Variants in ODAD1 observed in about 807,000 individuals in gnomAD.
ODAD1 encodes outer dynein arm-docking complex subunit 1.
In ODAD1, 49 loss-of-function variants were observed where a neutral mutation model predicts 67.2. The ratio of observed to expected loss-of-function variants is 0.73; its 90% CI spans 0.58 to 0.92. The LOEUF (loss-of-function observed/expected upper bound fraction) is 0.92. ODAD1 is among the 40% of genes least tolerant of loss of function. The probability of loss-of-function intolerance (pLI) is 0.00; values close to 1 mark genes in which losing one functional copy is unlikely to be tolerated. For missense variants in ODAD1, 897 were observed against 953.7 expected (o/e 0.94, Z 0.78); for synonymous variants, 345 against 393.7 (o/e 0.88, Z 1.46).
At chr19:48,314,586 T>C (rs1968850239) in intron 5 of ODAD1, among the ~76,000 whole-genome samples, 1 of 152,208 alleles carries the variant, frequency 6.6e-6, no homozygotes. Context: ...GCTATCATCC[T>C]TTTGAAGATG....
intron 5 of ODAD1, among the ~76,000 whole-genome samples, chr19:48,317,847 C>A (rs560854118): frequency 6.6e-6 from 1 of 151,852 alleles, no homozygotes; most frequent in Non-Finnish European, 1.5e-5. Context: ...CCGAGGTGGG[C>A]GGATCACAAG....
Position 48,311,664 on chromosome 19 carries a change from G to C in ODAD1, c.486C>G (p.Val162=), listed in dbSNP as rs1333175654. Reference sequence around the variant, plus strand: ...CCAGCTGGTTGTCAAAGTGACAGGTGACCTGGGAGTAGAAAGGTGGATGGA... The same window carrying C: ...CCAGCTGGTTGTCAAAGTGACAGGTCACCTGGGAGTAGAAAGGTGGATGGA... The part of the protein sequence containing the change: ...IRILENQLDR[V]TCHFDNQLVR... The change falls in exon 7 of 16, where the codon GTC becomes GTG. Residue 162 remains valine (V), a splice_region_variant and synonymous_variant. Coordinates refer to ENST00000674294, the MANE Select transcript of ODAD1 (RefSeq NM_001364171.2). 2.0e-6 allele frequency: 3 copies of C among 1,536,850 alleles called. No individual in the cohort carries two copies. The Admixed American group carries it at 5.9e-5, about 30-fold the overall frequency.
At chr19:48,304,235 GGT>G in intron 8 of ODAD1, 95 bp from the exon 9 acceptor site, 1 of 1,301,964 alleles carries the variant, frequency 7.7e-7, no homozygotes, top group Non-Finnish European at 1.0e-6. Flanking sequence ...GGTTGTGGGG[GGT>G]GAGGTGGAGT....
intron 5 of ODAD1, among the ~76,000 whole-genome samples, chr19:48,315,073 CTTTT>C (rs1235564266): frequency 1.1e-4 from 16 of 150,582 alleles, no homozygotes; most frequent in African/African-American, 3.2e-4. Flanking sequence ...TTCTTTCTTT[CTTTT>C]ATTTTTTCTT....
Position 48,303,472 on chromosome 19 carries a change from CAGAGACAGGGCCACGGTA to C in ODAD1, c.988+160_988+177del, listed in dbSNP as rs1968522514. On this transcript the variant is annotated intron_variant, in intron 10 of 15. Transcript: ENST00000674294. The stretch of plus-strand genomic sequence containing the variant: ...GGAGTTAGGAGGGGGTGGGGAGGGG[CAGAGACAGGGCCACGGTA>C]AGACGCCAGTGGACGCGGGCGGCGG... 6 of 685,200 alleles carry C rather than the reference CAGAGACAGGGCCACGGTA, an allele frequency of 8.8e-6. No individual in the cohort carries two copies. In the South Asian group the frequency reaches 1.1e-4, roughly 13 times the overall value. 42.4% of individuals were successfully genotyped at this position (685,200 alleles called of 1,614,324 possible).
At chr19:48,320,062 C>CA in intron 3 of ODAD1, 1 of 1,064,978 alleles carries the variant, frequency 9.4e-7, no homozygotes, top group Non-Finnish European at 1.1e-6. Context: ...GCAATTCCTA[C>CA]AGGGAGTTCT....
chr19:48,320,170 C>T (rs1429253360), intron 3 of ODAD1, 129 bp downstream of exon 3: 4 of 839,702 alleles, frequency 4.8e-6, no homozygotes, highest in South Asian at 1.9e-5. Flanking sequence ...TCCCTTAGGG[C>T]GCATGTCTGT....
chr19:48,312,607 G>A (rs1968795006), intron 5 of ODAD1, among the ~76,000 whole-genome samples: 2 of 151,832 alleles, frequency 1.3e-5, no homozygotes, highest in South Asian at 2.1e-4. Context: ...AGTAGAGATG[G>A]GGTTTCACCA....
At position 48,296,834 on chromosome 19, in the gene ODAD1, A is replaced by G. The variant is rs1035698024; in HGVS notation, c.*142T>C. The stretch of plus-strand genomic sequence containing the variant: ...GTGAGGCGGTGATGAAGGGCAGATG[A>G]AAACAGTTGAAGGGGCAAAAAGACA... On this transcript the variant is annotated 3_prime_UTR_variant, in exon 16 of 16. Transcript: ENST00000674294. 1.5e-4 allele frequency: 218 copies of G among 1,431,350 alleles called. No homozygotes were observed. The highest frequency in any genetic ancestry group is 1.8e-4 in the Non-Finnish European group (197 of 1,099,252). 88.7% of individuals were successfully genotyped at this position (1,431,350 alleles called of 1,614,324 possible). A position where few individuals can be genotyped will look rare whatever the true frequency, so the allele number is the denominator to read the frequency against.
Position 48,300,126 on chromosome 19 carries a change from C to T in ODAD1, c.1241-1786G>A, listed in dbSNP as rs149752932. Among the ~76,000 whole-genome samples, 1,063 of 151,912 alleles carry T rather than the reference C, an allele frequency of 7.0e-3. 18 individuals are homozygous for T. The highest frequency in any genetic ancestry group is 0.024 in the African/African-American group (1,000 of 41,432). On this transcript the variant is annotated intron_variant, in intron 12 of 15. Transcript: ENST00000674294. Reference sequence around the variant, plus strand: ...GTTTGAGACCAGCCTGCCAACATGGCGAAACCCCGTCTCTACTAAAAATAC... The same window carrying T: ...GTTTGAGACCAGCCTGCCAACATGGTGAAACCCCGTCTCTACTAAAAATAC...
At chr19:48,320,469 G>A (rs908109513) in intron 2 of ODAD1, 78 bp from the exon 3 acceptor site, 4 of 782,076 alleles carry the variant, frequency 5.1e-6, no homozygotes, top group Admixed American at 3.4e-5. Flanking sequence ...GAACTGCGAG[G>A]GACTGGGAAT....
At chr19:48,321,499 A>T in intron 1 of ODAD1, 179 bp downstream of exon 1, 1 of 263,638 alleles carries the variant, frequency 3.8e-6, no homozygotes, top group Non-Finnish European at 7.1e-6. Flanking sequence ...CTTCGCAGAC[A>T]GCGAGCGGAG....
chr19:48,306,376 G>C (rs934523693), intron 7 of ODAD1, 53 bp from the exon 8 acceptor site: 9 of 1,469,512 alleles, frequency 6.1e-6, no homozygotes, highest in East Asian at 2.5e-5. Flanking sequence ...CCCATTGCTC[G>C]AAGTCTTTCC....
intron 8 of ODAD1, among the ~76,000 whole-genome samples, chr19:48,304,372 C>T (rs1348688904): frequency 6.6e-6 from 1 of 152,138 alleles, no homozygotes; most frequent in Non-Finnish European, 1.5e-5. Flanking sequence ...AGGCTGTAAT[C>T]CCAGCACTTT....
In ODAD1 at chr19:48,298,941, G is replaced by A. The variant is rs80186570; in HGVS notation, c.1241-601C>T. On this transcript the variant is annotated intron_variant, in intron 12 of 15. Coordinates refer to ENST00000674294, the MANE Select transcript of ODAD1 (RefSeq NM_001364171.2). ...GACCTGCCCATATCTGAGCTCCTAC[G>A]GTATGCCCCGAGGAGGCTCTCCAGC... 7.1e-3 allele frequency among the ~76,000 whole-genome samples: 1,079 copies of A among 152,248 alleles called. 18 individuals are homozygous for A. The highest frequency in any genetic ancestry group is 0.024 in the African/African-American group (1,003 of 41,546).
At position 48,297,190 on chromosome 19, in the gene ODAD1, G is replaced by A. The variant is rs762042132; in HGVS notation, c.1910C>T (p.Thr637Ile). The A allele has an allele frequency of 3.0e-5, 48 of 1,614,026 alleles. No individual in the cohort carries two copies. Among genetic ancestry groups the A allele is most frequent in the Non-Finnish European group, 4.1e-5 (48 of 1,180,022 alleles). Residue 637 changes from threonine (T) to isoleucine (I), a missense_variant, in exon 16 of 16, where the codon ACC becomes ATC. Transcript: ENST00000674294. ...GCTGCTGGCGCTGACGGGTCTGAAG[G>A]TCACGTGGCCCCCACTCGAGGCACT... is the stretch of plus-strand genomic sequence containing the variant. ...STSASSGGHV[T>I]FRPVSASSYL...
rs141386846 is a variant in ODAD1 at position 48,312,516 on chromosome 19, G to A, written c.361-400C>T. 9.0e-3 allele frequency among the ~76,000 whole-genome samples: 1,322 copies of A among 146,880 alleles called. 17 individuals are homozygous for A. The highest frequency in any genetic ancestry group is 0.031 in the African/African-American group (1,258 of 39,942). On this transcript the variant is annotated intron_variant, in intron 5 of 15. Coordinates refer to ENST00000674294, the MANE Select transcript of ODAD1 (RefSeq NM_001364171.2). The stretch of plus-strand genomic sequence containing the variant: ...ACTGCAACCTCCACCTCCCAGGCTC[G>A]AGCAATTCTAGTGCCTCAACCTCCC...
intron 8 of ODAD1, among the ~76,000 whole-genome samples, chr19:48,304,375 A>T (rs1968552267): frequency 6.6e-6 from 1 of 152,214 alleles, no homozygotes; most frequent in African/African-American, 2.4e-5. Flanking sequence ...CTGTAATCCC[A>T]GCACTTTGGG....
chr19:48,316,249 C>T (rs1027891907), intron 5 of ODAD1, among the ~76,000 whole-genome samples: 2 of 151,986 alleles, frequency 1.3e-5, no homozygotes, highest in African/African-American at 4.8e-5. Context: ...GGAGTGGTGG[C>T]ACACACCTGT....
Sources: allele counts gnomAD v4.1 joint callset (sites outside exome capture counted in the v4.1 genomes callset), GRCh38; gene constraint gnomAD v4.1.1; transcripts MANE v1.5; gene names NCBI Gene and HGNC (gene_info 2026-07-23, HGNC 2026-07-21).